SORBS2: variants seen among roughly 807,000 people sequenced by gnomAD.
SORBS2 encodes sorbin and SH3 domain containing 2.
A neutral mutation model predicts 97.7 loss-of-function variants in SORBS2; 46 were observed. The ratio of observed to expected loss-of-function variants is 0.47; its 90% confidence interval spans 0.37 to 0.60. SORBS2 has a LOEUF of 0.60. Ranked by LOEUF, SORBS2 falls within the 20% of genes least tolerant of loss-of-function variation. The pLI is 0.00. For missense variants in SORBS2, 1,316 were observed against 1,282.3 expected, an observed-to-expected ratio of 1.03 and a Z score of -0.40; for synonymous variants, 476 against 473.4, an observed-to-expected ratio of 1.01 and a Z score of -0.07.
intron 2 of SORBS2, among the ~76,000 whole-genome samples, chr4:185,744,428 A>G (rs2098747762): frequency 6.6e-6 from 1 of 152,240 alleles, no homozygotes; most frequent in South Asian, 2.1e-4. Context: ...CTGTTGGGCT[A>G]GAAATAGTCC....
intron 2 of SORBS2, among the ~76,000 whole-genome samples, chr4:185,711,984 T>G (rs1368394208): frequency 3.9e-5 from 6 of 152,152 alleles, no homozygotes; most frequent in Non-Finnish European, 8.8e-5. Flanking sequence ...ATTTGACTCA[T>G]AACTCCTCCT....
chr4:185,942,358 T>C (rs1579605796), intron 1 of SORBS2, among the ~76,000 whole-genome samples: 1 of 29,982 alleles, frequency 3.3e-5, no homozygotes, highest in Non-Finnish European at 1.7e-4. Context: ...TTATATTTTC[T>C]TTTTTTTTTT....
At chr4:185,735,727 A>G (rs34134487) in intron 2 of SORBS2, among the ~76,000 whole-genome samples, 56,893 of 151,846 alleles carry the variant, frequency 0.37, 11,557 homozygotes, top group Middle Eastern at 0.47. Context: ...TGTGGGTGCA[A>G]TTTTGTCCCC....
intron 1 of SORBS2, among the ~76,000 whole-genome samples, chr4:185,900,038 G>A (rs562480251): frequency 3.3e-4 from 51 of 152,274 alleles, no homozygotes; most frequent in African/African-American, 1.2e-3. Flanking sequence ...AGATCTCTGA[G>A]CCCAGGAGTT....
upstream of SORBS2, among the ~76,000 whole-genome samples, chr4:185,658,537 T>C (rs758050405): frequency 6.6e-5 from 10 of 152,128 alleles, no homozygotes; most frequent in South Asian, 2.1e-4. Context: ...CTTTATATCA[T>C]GGTTTGTCAG....
At chr4:185,865,508 A>G (rs999431070) in intron 1 of SORBS2, among the ~76,000 whole-genome samples, 2 of 151,950 alleles carry the variant, frequency 1.3e-5, no homozygotes, top group African/African-American at 4.9e-5. Context: ...ACAACAACAA[A>G]AATAAGAACA....
intron 4 of SORBS2, among the ~76,000 whole-genome samples, chr4:185,675,832 T>C (rs2097782566): frequency 1.3e-5 from 2 of 152,296 alleles, no homozygotes; most frequent in South Asian, 2.1e-4. Flanking sequence ...CTTGATTGGC[T>C]GATGGAGAAG....
At chr4:185,834,700 C>G (rs1343446832) in intron 1 of SORBS2, among the ~76,000 whole-genome samples, 1 of 151,884 alleles carries the variant, frequency 6.6e-6, no homozygotes, top group African/African-American at 2.4e-5. Flanking sequence ...TTTTAAAACT[C>G]AAAAGTGATT....
At chr4:185,786,599 C>G (rs1432893862) in intron 1 of SORBS2, among the ~76,000 whole-genome samples, 1 of 152,216 alleles carries the variant, frequency 6.6e-6, no homozygotes, top group Non-Finnish European at 1.5e-5. Context: ...GGCGTGGCTT[C>G]TCCCATGGCA....
intron 1 of SORBS2, among the ~76,000 whole-genome samples, chr4:185,931,336 T>C (rs190325107): frequency 2.8e-4 from 43 of 152,296 alleles, no homozygotes; most frequent in Admixed American, 1.4e-3. Flanking sequence ...ATAATAACTC[T>C]TTTACTGCTA....
rs183515067 is a variant in SORBS2, at chr4:185,696,029, G to A, written c.-197-17207C>T. ...AAATGTTCCTTATTATTCAGGAGCC[G>A]AATTACCCGCGGCATCTATTTATCT... On this transcript the variant is annotated intron_variant, in intron 2 of 20. Coordinates refer to the SORBS2 transcript ENST00000284776. Among the ~76,000 whole-genome samples, 235 of 152,270 alleles carry A rather than the reference G, an allele frequency of 1.5e-3. 1 individual carries two copies. Among genetic ancestry groups the A allele is most frequent in the African/African-American group, 5.2e-3 (216 of 41,548 alleles).
rs397695201 is a variant in SORBS2, at chr4:185,608,998, C to CTT, written c.2796+2780_2796+2781dup. ...TGGGGTATTAATTAGATTTATTTAG[C>CTT]TTTTTTTTTTTAAGTCATCTTATCG... On this transcript the variant is annotated intron_variant, in intron 12 of 14. Coordinates refer to ENST00000418609, the Ensembl canonical transcript of SORBS2. 9.0e-3 allele frequency among the ~76,000 whole-genome samples: 1,342 copies of CTT among 148,418 alleles called. 18 individuals are homozygous for CTT. The highest frequency in any genetic ancestry group is 0.031 in the African/African-American group (1,252 of 40,406).
At chr4:185,885,583 T>A (rs2099238994) in intron 1 of SORBS2, among the ~76,000 whole-genome samples, 1 of 152,240 alleles carries the variant, frequency 6.6e-6, no homozygotes, top group Non-Finnish European at 1.5e-5. Flanking sequence ...TTAGGCCTAC[T>A]AACTACACAT....
intron 6 of SORBS2, among the ~76,000 whole-genome samples, chr4:185,624,932 C>T (rs748763831): frequency 2.0e-5 from 3 of 152,172 alleles, no homozygotes; most frequent in Non-Finnish European, 4.4e-5. Context: ...ATTTGAGCCT[C>T]ATTTGATTCG....
chr4:185,794,730 C>T (rs759521689), intron 1 of SORBS2, among the ~76,000 whole-genome samples: 1 of 151,980 alleles, frequency 6.6e-6, no homozygotes, highest in Non-Finnish European at 1.5e-5. Context: ...GCTGGGGACT[C>T]GGTGGTTCCC....
At chr4:185,934,256 G>A (rs767256696) in intron 1 of SORBS2, among the ~76,000 whole-genome samples, 2 of 152,158 alleles carry the variant, frequency 1.3e-5, no homozygotes, top group Non-Finnish European at 2.9e-5. Context: ...TCATTCCACA[G>A]ATGATTTTCA....
At chr4:185,907,640 C>T (rs77266775) in intron 1 of SORBS2, among the ~76,000 whole-genome samples, 1,999 of 152,016 alleles carry the variant, frequency 0.013, 52 homozygotes, top group African/African-American at 0.045. Flanking sequence ...TTTTAGTTTC[C>T]GAGGTTTTAT....
At chr4:185,840,226 A>C (rs2099210655) in intron 1 of SORBS2, among the ~76,000 whole-genome samples, 1 of 152,182 alleles carries the variant, frequency 6.6e-6, no homozygotes, top group Admixed American at 6.5e-5. Flanking sequence ...ACAAAAGTCA[A>C]TTTTCCCGTG....
chr4:185,928,491 C>A (rs986144355), intron 1 of SORBS2, among the ~76,000 whole-genome samples: 2 of 152,146 alleles, frequency 1.3e-5, no homozygotes, highest in Non-Finnish European at 2.9e-5. Context: ...TTGAGCACTG[C>A]GGGAGAGTCA....
Sources: gnomAD v4.1 joint callset for allele counts (sites outside exome capture counted in the v4.1 genomes callset) on GRCh38, gnomAD v4.1.1 for gene constraint, MANE v1.5 for transcripts, NCBI Gene and HGNC (gene_info 2026-07-23, HGNC 2026-07-21) for gene names.